Variants in SMG5 observed in about 807,000 individuals in gnomAD.
SMG5 encodes the protein SMG5 nonsense mediated mRNA decay factor, also known as nonsense-mediated mRNA decay factor SMG5.
Under a neutral mutation model 122.9 loss-of-function variants are expected in SMG5, and 53 were observed. The ratio of observed to expected loss-of-function variants is 0.43; its 90% CI spans 0.35 to 0.54. The LOEUF is 0.54. Ranked by LOEUF, SMG5 falls within the 20% of genes least tolerant of loss-of-function variation. SMG5 has a pLI of 0.01. For missense variants in SMG5, 1,153 were observed against 1,285.6 expected (o/e 0.90, Z 1.58); for synonymous variants, 477 against 490.2 (o/e 0.97, Z 0.35).
intron 12 of SMG5, among the ~76,000 whole-genome samples, chr1:156,264,127 G>C (rs375324819): frequency 7.4e-4 from 113 of 152,020 alleles, no homozygotes; most frequent in African/African-American, 2.7e-3. Flanking sequence ...AATTAGCTGG[G>C]TGTGGTGGTG....
chr1:156,253,752 G>A (rs1661459015), intron 16 of SMG5: 1 of 548,280 alleles, frequency 1.8e-6, no homozygotes, highest in Non-Finnish European at 3.3e-6. Context: ...GGGAGGGGAA[G>A]CAGACAGCCA....
At chr1:156,281,403 CATG>C (rs1301400944) in intron 1 of SMG5, among the ~76,000 whole-genome samples, 2 of 152,236 alleles carry the variant, frequency 1.3e-5, no homozygotes, top group East Asian at 1.9e-4. Context: ...CACTCGGCAG[CATG>C]ATAAGGCACA....
At chr1:156,267,712 T>G in intron 9 of SMG5, 34 bp from the exon 10 acceptor site, 2 of 1,546,534 alleles carry the variant, frequency 1.3e-6, no homozygotes, top group South Asian at 1.2e-5. Context: ...GGGAGGTCAG[T>G]GGTGGGGGCT....
chr1:156,273,451 C>G lies in SMG5; in HGVS notation c.545-1G>C. ...CCAGCTAATTCATTCTGATATCGGG[C>G]TGCACAAGAGAGAAAACGAAGGGAA... is the stretch of plus-strand genomic sequence containing the variant. On this transcript the variant is annotated splice_acceptor_variant, in intron 5 of 21. Coordinates refer to ENST00000361813, the MANE Select transcript of SMG5 (RefSeq NM_015327.3). LOFTEE classifies it high-confidence loss of function. 1 of 1,613,670 alleles carries G rather than the reference C, an allele frequency of 6.2e-7. No homozygotes were observed. The highest frequency in any genetic ancestry group is 8.5e-7 in the Non-Finnish European group (1 of 1,179,800).
chr1:156,282,005 C>T (rs763762532), intron 1 of SMG5, among the ~76,000 whole-genome samples: 7 of 152,170 alleles, frequency 4.6e-5, no homozygotes, highest in Admixed American at 1.3e-4. Flanking sequence ...CCTCCCAAAT[C>T]CCAAGAACGC....
Position 156,273,446 on chromosome 1 carries a change from T to C in SMG5, c.549A>G (p.Arg183=). Reference sequence around the variant, plus strand: ...CTACGCCAGCTAATTCATTCTGATATCGGGCTGCACAAGAGAGAAAACGAA... The same window carrying C: ...CTACGCCAGCTAATTCATTCTGATACCGGGCTGCACAAGAGAGAAAACGAA... ...RCLVYLGDLS[R]YQNELAGVDT... The change falls in exon 6 of 22, where the codon CGA becomes CGG. Residue 183 remains arginine (R), a synonymous_variant. Coordinates refer to ENST00000361813, the MANE Select transcript of SMG5 (RefSeq NM_015327.3). 1 of 1,613,860 alleles carries C rather than the reference T, an allele frequency of 6.2e-7. No individual in the cohort carries two copies. The highest frequency in any genetic ancestry group is 1.1e-5 in the South Asian group (1 of 91,048).
At chr1:156,279,111 G>C (rs1662818895) in intron 1 of SMG5, 77 bp from the exon 2 acceptor site, 5 of 1,247,280 alleles carry the variant, frequency 4.0e-6, no homozygotes, top group Non-Finnish European at 5.9e-6. Context: ...CACGATTCTA[G>C]AGGAAAAGCT....
intron 10 of SMG5, among the ~76,000 whole-genome samples, chr1:156,266,884 G>A (rs964360995): frequency 1.3e-5 from 2 of 150,450 alleles, no homozygotes; most frequent in East Asian, 3.9e-4. Context: ...GGCTCAATCT[G>A]CCCGCCTCGG....
In SMG5 at chr1:156,249,519, C is replaced by T. The variant is rs750294071; in HGVS notation, c.*1068G>A. The T allele has an allele frequency of 1.4e-5, 5 of 357,514 alleles. No homozygotes were observed. Among genetic ancestry groups the T allele is most frequent in the African/African-American group, 8.6e-5 (4 of 46,650 alleles). The allele number at this position is 357,514 out of a possible 1,614,324, so 22.1% of individuals were successfully genotyped here. A position where few individuals can be genotyped will look rare whatever the true frequency, so the allele number is the denominator to read the frequency against. On this transcript the variant is annotated 3_prime_UTR_variant, in exon 22 of 22. Transcript: ENST00000361813. ...CCCACACACAGCCCTGCTCTTGGTG[C>T]GCCATTCACTGCCCTGAGCTATTCA...
chr1:156,256,312 T>C (rs112748026), intron 16 of SMG5, among the ~76,000 whole-genome samples: 126 of 37,200 alleles, frequency 3.4e-3, no homozygotes, highest in African/African-American at 7.3e-3. Context: ...TCTTCTCTCT[T>C]TTTTTTTTTT....
At chr1:156,256,812 G>A in intron 16 of SMG5, among the ~76,000 whole-genome samples, 1 of 152,126 alleles carries the variant, frequency 6.6e-6, no homozygotes. Context: ...CAGCAGAAAA[G>A]AGCCAGGATA....
chr1:156,260,320 G>A (rs1468509314), intron 15 of SMG5, 131 bp downstream of exon 15: 9 of 1,114,876 alleles, frequency 8.1e-6, no homozygotes, highest in East Asian at 5.5e-5. Flanking sequence ...AGCACAGCCT[G>A]TAGCCCCAAG....
intron 15 of SMG5, 83 bp from the exon 16 acceptor site, chr1:156,259,246 C>T (rs1241031583): frequency 7.2e-7 from 1 of 1,381,562 alleles, no homozygotes; most frequent in Non-Finnish European, 9.5e-7. Flanking sequence ...CACTCCCACC[C>T]TCCCACCTCC....
chr1:156,250,764 A>G, intron 21 of SMG5, 94 bp from the exon 22 acceptor site: 1 of 1,604,288 alleles, frequency 6.2e-7, no homozygotes, highest in Non-Finnish European at 8.5e-7. Context: ...ATGGAAGAGA[A>G]AAAAAGGTAG....
At chr1:156,266,699 C>A in intron 10 of SMG5, 21 bp from the exon 11 acceptor site, 1 of 1,613,846 alleles carries the variant, frequency 6.2e-7, no homozygotes, top group Non-Finnish European at 8.5e-7. Flanking sequence ...GAAAGCCAGG[C>A]ATTAGGGGCC....
In SMG5 at chr1:156,266,311, G is replaced by A; in HGVS notation, c.1325C>T (p.Pro442Leu). 6.2e-7 allele frequency: 1 copy of A among 1,614,142 alleles called. No individual in the cohort carries two copies. Among genetic ancestry groups the A allele is most frequent in the Non-Finnish European group, 8.5e-7 (1 of 1,180,038 alleles). ...EPDPEPPPVTPQVGEGRKSRK... is the reference protein window; with the variant it reads ...EPDPEPPPVTLQVGEGRKSRK... ...GCTCTTTCTGCCCTCACCCACTTGG[G>A]GTGTTACAGGAGGAGGCTCAGGATC... Residue 442 changes from proline to leucine, a missense_variant, in exon 12 of 22, where the codon CCC becomes CTC. Physicochemically the swap from Pro to Leu is moderately conservative, Grantham distance 98. Transcript: ENST00000361813.
chr1:156,288,069 G>C, the SMG5 span, among the ~76,000 whole-genome samples: 8 of 151,894 alleles, frequency 5.3e-5, no homozygotes, highest in Admixed American at 3.3e-4. Context: ...AAAAAAATTA[G>C]CCGGGTGCGG....
chr1:156,260,480 C>T lies in SMG5; in HGVS notation c.2254G>A (p.Asp752Asn). 1.3e-6 allele frequency: 2 copies of T among 1,595,002 alleles called. No homozygotes were observed. Among genetic ancestry groups the T allele is most frequent in the Non-Finnish European group, 8.5e-7 (1 of 1,173,342 alleles). Residue 752 changes from aspartate to asparagine, a missense_variant, in exon 15 of 22, where the codon GAT (aspartate) becomes AAT (asparagine). Transcript: ENST00000361813. ...AAHRRFNFDTDRPLLSTLEES... is the reference protein window; with the variant it reads ...AAHRRFNFDTNRPLLSTLEES... Reference sequence around the variant, plus strand: ...TCTAAGGTGCTGAGCAGGGGCCGATCCGTGTCAAAGTTAAAGCGTCTGTGG... The same window carrying T: ...TCTAAGGTGCTGAGCAGGGGCCGATTCGTGTCAAAGTTAAAGCGTCTGTGG...
In SMG5 at chr1:156,266,220, A is replaced by C. The variant is rs1662127246; in HGVS notation, c.1416T>G (p.Ser472Arg). The C allele has an allele frequency of 6.2e-7, 1 of 1,614,238 alleles. No individual in the cohort carries two copies. Among genetic ancestry groups the C allele is most frequent in the East Asian group, 2.2e-5 (1 of 44,882 alleles). ...CCGATTCAAAGCCTTCACTCAGGTC[A>C]CTGTCATCACCAACTTTGGGTGGGT... ...RRHPPKVGDD[S>R]DLSEGFESDS... The change falls in exon 12 of 22, where the codon AGT (serine) becomes AGG (arginine). Residue 472 changes from serine (S) to arginine (R), a missense_variant. Ser to Arg is a moderately radical substitution (Grantham distance 110). Transcript: ENST00000361813.
Sources: gnomAD v4.1 joint callset for allele counts (sites outside exome capture counted in the v4.1 genomes callset) on GRCh38, gnomAD v4.1.1 for gene constraint, MANE v1.5 for transcripts, NCBI Gene and HGNC (gene_info 2026-07-23, HGNC 2026-07-21) for gene names.